The following HHAT variants were observed in gnomAD, a reference collection of about 807,000 sequenced individuals.
The protein encoded by HHAT is hedgehog acyltransferase, also known as protein-cysteine N-palmitoyltransferase HHAT.
In HHAT, 47 loss-of-function variants were observed where a neutral mutation model predicts 70.8. The observed-to-expected ratio is 0.66, with a 90% CI of 0.53 to 0.85. The LOEUF (loss-of-function observed/expected upper bound fraction) is 0.85, where lower values mean the gene tolerates loss of function less well. Among genes scored for constraint, HHAT ranks in the 40% least tolerant of loss-of-function variants. The pLI is 0.00. For missense variants in HHAT, 609 were observed against 604.8 expected, an observed-to-expected ratio of 1.01 and a Z score of -0.07; for synonymous variants, 228 against 247.6, an observed-to-expected ratio of 0.92 and a Z score of 0.74.
chr1:210,394,658 T>C (rs548079651), intron 4 of HHAT, among the ~76,000 whole-genome samples: 1 of 152,246 alleles, frequency 6.6e-6, no homozygotes, highest in East Asian at 1.9e-4. Flanking sequence ...TCATTAGCAA[T>C]TGACTGACAG....
Position 210,619,580 on chromosome 1 carries a change from C to T in HHAT, c.1246-3946C>T, listed in dbSNP as rs367739893. On this transcript the variant is annotated intron_variant, in intron 10 of 11. Transcript: ENST00000261458. ...GTGATGAATGTAGGGGAGAACAATT[C>T]GCCCTTTCTCAACAGGGCTCTGCTG... Among the ~76,000 whole-genome samples the T allele has an allele frequency of 1.3e-3, 204 of 152,238 alleles. 2 individuals carry two copies. The highest frequency in any genetic ancestry group is 2.4e-3 in the Non-Finnish European group (160 of 68,016).
intron 8 of HHAT, among the ~76,000 whole-genome samples, chr1:210,507,108 T>TA (rs1285964617): frequency 6.6e-6 from 1 of 152,168 alleles, no homozygotes; most frequent in Non-Finnish European, 1.5e-5. Flanking sequence ...GACATTGGTG[T>TA]CTGCTCTGAG....
intron 2 of HHAT, among the ~76,000 whole-genome samples, chr1:210,356,142 G>T (rs145208273): frequency 1.7e-3 from 261 of 151,396 alleles, no homozygotes; most frequent in Middle Eastern, 6.8e-3. Context: ...GCCCAGGCTG[G>T]TCTTAAACCC....
chr1:210,458,352 T>C (rs977543956), intron 7 of HHAT, among the ~76,000 whole-genome samples: 1 of 152,238 alleles, frequency 6.6e-6, no homozygotes. Context: ...TTTTGTGTTA[T>C]GTGCCAGGCA....
intron 11 of HHAT, among the ~76,000 whole-genome samples, chr1:210,660,206 C>A (rs535074528): frequency 8.5e-4 from 129 of 152,206 alleles, no homozygotes; most frequent in Non-Finnish European, 1.7e-3. Flanking sequence ...TGATAAGCAA[C>A]TTCAGCAAAG....
At chr1:210,356,095 T>C (rs1289731525) in intron 2 of HHAT, among the ~76,000 whole-genome samples, 3 of 52,470 alleles carry the variant, frequency 5.7e-5, no homozygotes, top group Admixed American at 3.2e-4. Context: ...TGCTTGGCTA[T>C]TTTTTTTTTT....
At chr1:210,472,377 T>C (rs943794891) in intron 8 of HHAT, among the ~76,000 whole-genome samples, 1 of 152,200 alleles carries the variant, frequency 6.6e-6, no homozygotes, top group Non-Finnish European at 1.5e-5. Context: ...AAGTGAGTGG[T>C]GGAGCTGCGA....
chr1:210,426,205 CTT>C (rs1233242598), intron 7 of HHAT, among the ~76,000 whole-genome samples: 3 of 152,166 alleles, frequency 2.0e-5, no homozygotes, highest in African/African-American at 7.2e-5. Context: ...TATCCTGAGA[CTT>C]TGCTGAAGTT....
At chr1:210,383,954 G>A (rs1176474064) in intron 3 of HHAT, among the ~76,000 whole-genome samples, 2 of 152,136 alleles carry the variant, frequency 1.3e-5, no homozygotes, top group South Asian at 2.1e-4. Flanking sequence ...TGGGTTTTTG[G>A]TGTGTCTTCA....
chr1:210,581,606 C>T (rs542112249), intron 9 of HHAT, among the ~76,000 whole-genome samples: 9 of 152,304 alleles, frequency 5.9e-5, no homozygotes, highest in African/African-American at 1.9e-4. Context: ...TGGTAAATCT[C>T]TTAGGGTTGG....
At chr1:210,529,678 C>T (rs1190715842) in intron 9 of HHAT, among the ~76,000 whole-genome samples, 1 of 152,122 alleles carries the variant, frequency 6.6e-6, no homozygotes, top group African/African-American at 2.4e-5. Context: ...GACAGGGCCT[C>T]CCACAGAACT....
chr1:210,581,112 C>G (rs1659172913), intron 9 of HHAT, among the ~76,000 whole-genome samples: 2 of 152,210 alleles, frequency 1.3e-5, no homozygotes, highest in Admixed American at 1.3e-4. Flanking sequence ...TTATTGGTCA[C>G]ATAAATGTCT....
chr1:210,461,500 C>G (rs2093978522), intron 7 of HHAT, among the ~76,000 whole-genome samples: 1 of 152,046 alleles, frequency 6.6e-6, no homozygotes, highest in Non-Finnish European at 1.5e-5. Context: ...TGGGGCTTCA[C>G]CATGTTGGCC....
At chr1:210,500,549 G>A (rs1006629613) in intron 8 of HHAT, among the ~76,000 whole-genome samples, 7 of 152,142 alleles carry the variant, frequency 4.6e-5, no homozygotes, top group African/African-American at 7.2e-5. Flanking sequence ...CTGTCTGTAC[G>A]TAATTTTTGG....
At chr1:210,383,184 A>C (rs2090782355) in intron 3 of HHAT, among the ~76,000 whole-genome samples, 1 of 152,124 alleles carries the variant, frequency 6.6e-6, no homozygotes, top group South Asian at 2.1e-4. Flanking sequence ...TACTAAAACT[A>C]CAAAAATTAG....
intron 11 of HHAT, chr1:210,630,862 G>C (rs1326900012): frequency 2.8e-6 from 1 of 360,160 alleles, no homozygotes; most frequent in Admixed American, 3.8e-5. Context: ...CGTCTTCCTA[G>C]TGGACAGCCG....
Position 210,440,371 on chromosome 1 carries a change from T to G in HHAT, c.856+22046T>G, listed in dbSNP as rs116557205. ...TCGATTCTGTAGGGAGTTCTGCAGG[T>G]TGGGTAATTCTTTGGAGTGGTCCCA... On this transcript the variant is annotated intron_variant, in intron 7 of 11. Coordinates refer to ENST00000261458, the MANE Select transcript of HHAT (RefSeq NM_018194.6). Among the ~76,000 whole-genome samples, 1,052 of 151,630 alleles carry G rather than the reference T, an allele frequency of 6.9e-3. 32 individuals carry two copies. The highest frequency in any genetic ancestry group is 0.024 in the African/African-American group (1,001 of 41,026).
At chr1:210,378,925 T>G (rs1471276864) in intron 3 of HHAT, among the ~76,000 whole-genome samples, 2 of 152,256 alleles carry the variant, frequency 1.3e-5, no homozygotes, top group Non-Finnish European at 2.9e-5. Context: ...GAGGAGACAT[T>G]TCTTCCGTAG....
chr1:210,588,588 A>G (rs1405015823), intron 10 of HHAT: 3 of 153,524 alleles, frequency 2.0e-5, no homozygotes, highest in African/African-American at 7.2e-5. Context: ...TCCTATTATT[A>G]GTAATCATAT....
Sources: allele counts gnomAD v4.1 joint callset (sites outside exome capture counted in the v4.1 genomes callset), GRCh38; gene constraint gnomAD v4.1.1; transcripts MANE v1.5; gene names NCBI Gene and HGNC (gene_info 2026-07-23, HGNC 2026-07-21).